Variants in ELP4 observed in about 807,000 individuals in gnomAD.
ELP4 encodes the protein elongator acetyltransferase complex subunit 4, also known as elongator complex protein 4.
ELP4 carries 51 observed loss-of-function variants against 48.9 expected under a neutral mutation model. That is an observed-to-expected ratio of 1.04 (90% confidence interval 0.83 to 1.32). The LOEUF (loss-of-function observed/expected upper bound fraction) is 1.32, where lower values mean the gene tolerates loss of function less well. Ranked by LOEUF, ELP4 falls within the 40% of genes most tolerant of loss-of-function variation. ELP4 has a pLI of 0.00. For missense variants in ELP4, 519 were observed against 514.6 expected (o/e 1.01, Z -0.08); for synonymous variants, 210 against 189.2 (o/e 1.11, Z -0.90).
chr11:31,542,834 CAAA>C (rs954532622), intron 3 of ELP4, among the ~76,000 whole-genome samples: 1 of 151,334 alleles, frequency 6.6e-6, no homozygotes, highest in Non-Finnish European at 1.5e-5. Context: ...TCAATTAAAA[CAAA>C]AAAGAAATGA....
chr11:31,594,149 T>C (rs1957634381), intron 3 of ELP4, among the ~76,000 whole-genome samples: 1 of 152,160 alleles, frequency 6.6e-6, no homozygotes, highest in Non-Finnish European at 1.5e-5. Flanking sequence ...TTTTCTAGTT[T>C]TTTATGTATT....
Position 31,783,610 on chromosome 11 carries a change from A to G in ELP4, c.*86A>G, listed in dbSNP as rs1458093630. The stretch of plus-strand genomic sequence containing the variant: ...GCTTATGTAAATATTTTTCTTAACA[A>G]TTTGACCCTCCACTCCTTGAAAAAC... On this transcript the variant is annotated 3_prime_UTR_variant, in exon 10 of 10. Coordinates refer to ENST00000640961, the MANE Select transcript of ELP4 (RefSeq NM_019040.5). 28 of 1,317,118 alleles carry G rather than the reference A, an allele frequency of 2.1e-5. No individual in the cohort carries two copies. The highest frequency in any genetic ancestry group is 2.9e-5 in the African/African-American group (2 of 67,910). The allele number at this position is 1,317,118 out of a possible 1,614,324, so 81.6% of individuals were successfully genotyped here. A position where few individuals can be genotyped will look rare whatever the true frequency, so the allele number is the denominator to read the frequency against.
intron 7 of ELP4, chr11:31,632,951 A>G (rs1944894983): frequency 6.6e-6 from 1 of 152,010 alleles, no homozygotes; most frequent in African/African-American, 2.4e-5. Context: ...TTAAGTACAT[A>G]TTGTCTGCCT....
chr11:31,683,484 A>G (rs1946098231), intron 9 of ELP4, among the ~76,000 whole-genome samples: 4 of 152,296 alleles, frequency 2.6e-5, no homozygotes, highest in Middle Eastern at 3.4e-3. Context: ...ATTTTACTGC[A>G]GGACAGATGA....
intron 9 of ELP4, chr11:31,663,363 T>C (rs965342043): frequency 6.6e-6 from 1 of 152,042 alleles, no homozygotes; most frequent in Non-Finnish European, 1.5e-5. Context: ...ATTTGTAGCA[T>C]GTTTGAATAC....
intron 3 of ELP4, among the ~76,000 whole-genome samples, chr11:31,593,823 G>A (rs1211640113): frequency 2.0e-5 from 3 of 152,158 alleles, no homozygotes; most frequent in Non-Finnish European, 2.9e-5. Context: ...TCTAAGACTA[G>A]CATTAATTAA....
At chr11:31,530,581 T>C (rs1274077340) in intron 2 of ELP4, among the ~76,000 whole-genome samples, 1 of 151,626 alleles carries the variant, frequency 6.6e-6, no homozygotes. Flanking sequence ...CTTGGTGGAG[T>C]GATGATACAG....
intron 9 of ELP4, among the ~76,000 whole-genome samples, chr11:31,746,679 A>G (rs1947600253): frequency 6.6e-6 from 1 of 152,110 alleles, no homozygotes; most frequent in South Asian, 2.1e-4. Flanking sequence ...ATAGGTGGGA[A>G]TTGAACAGTG....
chr11:31,568,629 C>G (rs1011695231), intron 3 of ELP4, among the ~76,000 whole-genome samples: 9 of 152,114 alleles, frequency 5.9e-5, no homozygotes, highest in African/African-American at 2.2e-4. Flanking sequence ...AAGCCATACA[C>G]TGACAATCAT....
At chr11:31,613,677 T>C (rs1398424132) in intron 5 of ELP4, among the ~76,000 whole-genome samples, 2 of 151,832 alleles carry the variant, frequency 1.3e-5, no homozygotes, top group Non-Finnish European at 2.9e-5. Context: ...TTATTCTTTG[T>C]ATGTTTTATA....
At chr11:31,563,593 C>G (rs1957057092) in intron 3 of ELP4, among the ~76,000 whole-genome samples, 1 of 152,018 alleles carries the variant, frequency 6.6e-6, no homozygotes, top group Middle Eastern at 3.2e-3. Flanking sequence ...CAGATAGGAT[C>G]TTTAAAGGAG....
chr11:31,657,005 T>A (rs965515709), intron 9 of ELP4, among the ~76,000 whole-genome samples: 2 of 152,034 alleles, frequency 1.3e-5, no homozygotes, highest in Admixed American at 6.6e-5. Context: ...CAGAAAATGA[T>A]GACAAATCAC....
intron 5 of ELP4, among the ~76,000 whole-genome samples, chr11:31,622,821 A>T (rs555881642): frequency 4.9e-4 from 75 of 151,796 alleles, no homozygotes; most frequent in African/African-American, 1.8e-3. Context: ...ATATATTAGT[A>T]TAAAGAAATA....
chr11:31,765,604 T>G (rs1948025567), intron 9 of ELP4, among the ~76,000 whole-genome samples: 1 of 152,118 alleles, frequency 6.6e-6, no homozygotes, highest in Non-Finnish European at 1.5e-5. Flanking sequence ...TTGTAAAAAT[T>G]TGTAAAATTA....
intron 3 of ELP4, 94 bp from the exon 4 acceptor site, chr11:31,594,676 C>A: frequency 2.7e-6 from 2 of 748,108 alleles, no homozygotes; most frequent in Non-Finnish European, 4.0e-6. Context: ...ATTTTCAATA[C>A]ATTGGAAATT....
At chr11:31,770,957 G>A (rs1948129672) in intron 9 of ELP4, among the ~76,000 whole-genome samples, 1 of 151,974 alleles carries the variant, frequency 6.6e-6, no homozygotes, top group Non-Finnish European at 1.5e-5. Flanking sequence ...TAAAATAAGG[G>A]AGGAGAATTC....
chr11:31,767,377 G>C (rs1948062566), intron 9 of ELP4: 1 of 121,030 alleles, frequency 8.3e-6, no homozygotes, highest in Admixed American at 8.7e-5. Flanking sequence ...GGATCTTTCA[G>C]ACCTCCTTGT....
chr11:31,660,250 A>G (rs904832176), intron 9 of ELP4, among the ~76,000 whole-genome samples: 3 of 152,174 alleles, frequency 2.0e-5, no homozygotes, highest in African/African-American at 4.8e-5. Context: ...TGCCGGATCC[A>G]TAAGAAATAT....
chr11:31,696,442 G>A (rs538843862), intron 9 of ELP4, among the ~76,000 whole-genome samples: 3 of 152,236 alleles, frequency 2.0e-5, no homozygotes, highest in Admixed American at 6.6e-5. Flanking sequence ...AGTCATTCAG[G>A]AGCAGGTTGT....
Sources: allele counts gnomAD v4.1 joint callset (sites outside exome capture counted in the v4.1 genomes callset), GRCh38; gene constraint gnomAD v4.1.1; transcripts MANE v1.5; gene names NCBI Gene and HGNC (gene_info 2026-07-23, HGNC 2026-07-21).